The following CACNA2D1 variants were observed in gnomAD, a reference collection of about 807,000 sequenced individuals.
The protein encoded by CACNA2D1 is voltage-dependent calcium channel subunit alpha-2/delta-1.
Under a neutral mutation model 171.5 loss-of-function variants are expected in CACNA2D1, and 53 were observed. That is an observed-to-expected ratio of 0.31 (90% CI 0.25 to 0.39). The LOEUF (loss-of-function observed/expected upper bound fraction) is 0.39, where lower values mean the gene tolerates loss of function less well. CACNA2D1 is among the 10% of genes least tolerant of loss of function. CACNA2D1 has a pLI of 1.00. For synonymous variants in CACNA2D1, 442 were observed against 443.1 expected (o/e 1.00, Z 0.03); for missense variants, 903 against 1,299.8 (o/e 0.69, Z 4.69).
Position 81,967,216 on chromosome 7 carries a change from C to T in CACNA2D1, c.2464-9G>A, listed in dbSNP as rs1794797824. The T allele has an allele frequency of 1.2e-6, 2 of 1,604,530 alleles. No individual in the cohort carries two copies. Among genetic ancestry groups the T allele is most frequent in the Admixed American group, 1.7e-5 (1 of 59,610 alleles). ...CAAACTGGACCAGCACACTGAAAGA[C>T]AAAAATGCGATTATCACCTCACTTT... is the stretch of plus-strand genomic sequence containing the variant. On this transcript the variant is annotated splice_polypyrimidine_tract_variant and intron_variant, in intron 30 of 38. Transcript: ENST00000356860.
At chr7:82,283,691 T>A (rs1477147586) in intron 3 of CACNA2D1, among the ~76,000 whole-genome samples, 2 of 152,098 alleles carry the variant, frequency 1.3e-5, no homozygotes, top group Admixed American at 6.6e-5. Flanking sequence ...TAACATAAGG[T>A]CACACATGGA....
intron 10 of CACNA2D1, among the ~76,000 whole-genome samples, chr7:82,059,299 T>A (rs927468389): frequency 6.6e-5 from 10 of 152,214 alleles, no homozygotes; most frequent in Non-Finnish European, 8.8e-5. Context: ...CATTTGTTTG[T>A]CTTATTTCAT....
rs555630565 is a variant in CACNA2D1 at position 82,104,067 on chromosome 7, G to A, written c.526+12977C>T. On this transcript the variant is annotated intron_variant, in intron 6 of 38. Coordinates refer to ENST00000356860, the MANE Select transcript of CACNA2D1 (RefSeq NM_000722.4). ...CAGCTACTAAAAGTTTTATTCACAA[G>A]CTATTTAGAATACTGTAATATTTGT... Among the ~76,000 whole-genome samples, 6 of 151,974 alleles carry A rather than the reference G, an allele frequency of 3.9e-5. No homozygotes were observed. In the South Asian group the frequency reaches 1.2e-3, roughly 32 times the overall value.
At chr7:82,315,049 T>G (rs1413491510) in intron 3 of CACNA2D1, among the ~76,000 whole-genome samples, 1 of 149,252 alleles carries the variant, frequency 6.7e-6, no homozygotes, top group Non-Finnish European at 1.5e-5. Context: ...GGCAGGAGAA[T>G]TGCTTGAAAC....
chr7:82,181,518 G>A (rs1243992594), intron 3 of CACNA2D1, among the ~76,000 whole-genome samples: 2 of 152,152 alleles, frequency 1.3e-5, no homozygotes, highest in South Asian at 4.1e-4. Context: ...ACTGGAGTGG[G>A]CCCTGTGAAT....
intron 7 of CACNA2D1, among the ~76,000 whole-genome samples, chr7:82,082,419 G>A (rs571766976): frequency 6.6e-6 from 1 of 152,094 alleles, no homozygotes; most frequent in Admixed American, 6.5e-5. Flanking sequence ...ACTCAGTGTG[G>A]TTGAGTCTGG....
intron 12 of CACNA2D1, chr7:82,024,024 GTATA>G (rs1450592937): frequency 6.6e-6 from 1 of 151,704 alleles, no homozygotes; most frequent in Non-Finnish European, 1.5e-5. Context: ...TGCATTGTAT[GTATA>G]TACCACATTT....
chr7:82,131,080 G>A lies in CACNA2D1; in HGVS notation c.396+5555C>T, dbSNP rs928235969. On this transcript the variant is annotated intron_variant, in intron 5 of 38. Transcript: ENST00000356860. ...GCCTCCCAAAGTGCTGGGATTACAGGCATGAGCCACCGCGCCGGCCAGCTC... is the reference window on the plus strand; with the variant it reads ...GCCTCCCAAAGTGCTGGGATTACAGACATGAGCCACCGCGCCGGCCAGCTC... Among the ~76,000 whole-genome samples the A allele has an allele frequency of 7.8e-4, 118 of 152,236 alleles. 1 individual carries two copies. The highest frequency in any genetic ancestry group is 2.7e-3 in the African/African-American group (114 of 41,552).
chr7:82,003,260 A>G (rs1163146852), intron 18 of CACNA2D1, among the ~76,000 whole-genome samples: 1 of 152,086 alleles, frequency 6.6e-6, no homozygotes, highest in African/African-American at 2.4e-5. Context: ...CTGAAATAGT[A>G]TTTTTGGAAA....
intron 3 of CACNA2D1, among the ~76,000 whole-genome samples, chr7:82,288,355 C>T (rs532644706): frequency 1.3e-4 from 20 of 151,506 alleles, no homozygotes; most frequent in African/African-American, 4.6e-4. Flanking sequence ...TTGTTTGGGG[C>T]AGTTAAGGTA....
intron 3 of CACNA2D1, among the ~76,000 whole-genome samples, chr7:82,258,308 C>CAA (rs60283753): frequency 6.8e-4 from 85 of 125,054 alleles, no homozygotes; most frequent in African/African-American, 2.1e-3. Flanking sequence ...CAGAAGGCAG[C>CAA]AAAAAAAAAA....
At chr7:82,364,995 T>C (rs1821519725) in intron 1 of CACNA2D1, among the ~76,000 whole-genome samples, 1 of 151,966 alleles carries the variant, frequency 6.6e-6, no homozygotes, top group Non-Finnish European at 1.5e-5. Context: ...CCTCAATTTA[T>C]AACACAGCCA....
At chr7:82,216,061 T>C (rs1801067991) in intron 3 of CACNA2D1, among the ~76,000 whole-genome samples, 1 of 152,220 alleles carries the variant, frequency 6.6e-6, no homozygotes, top group South Asian at 2.1e-4. Flanking sequence ...CAGTTTACTC[T>C]GTCACTTTAT....
chr7:81,952,798 C>T (rs906349534), intron 38 of CACNA2D1, among the ~76,000 whole-genome samples: 11 of 152,038 alleles, frequency 7.2e-5, no homozygotes, highest in African/African-American at 2.7e-4. Context: ...TTCCTAATAA[C>T]TCACTCTTTT....
Position 82,225,599 on chromosome 7 carries a change from T to C in CACNA2D1, c.295-54990A>G, listed in dbSNP as rs534679746. Reference sequence around the variant, plus strand: ...ATTCAATAGAATTGGCATGAATCATTGATATTTATATATTTTACACATATA... The same window carrying C: ...ATTCAATAGAATTGGCATGAATCATCGATATTTATATATTTTACACATATA... On this transcript the variant is annotated intron_variant, in intron 3 of 38. Transcript: ENST00000356860. 1.6e-4 allele frequency among the ~76,000 whole-genome samples: 25 copies of C among 152,306 alleles called. 1 individual carries two copies. The highest frequency in any genetic ancestry group is 1.2e-3 in the Admixed American group (18 of 15,288).
chr7:82,172,159 T>G (rs1241328289), intron 3 of CACNA2D1, among the ~76,000 whole-genome samples: 1 of 151,658 alleles, frequency 6.6e-6, no homozygotes, highest in Non-Finnish European at 1.5e-5. Flanking sequence ...AGAAATGGAG[T>G]ATATAAGAAG....
chr7:82,355,165 C>A (rs1296825681), intron 1 of CACNA2D1, among the ~76,000 whole-genome samples: 1 of 152,150 alleles, frequency 6.6e-6, no homozygotes, highest in South Asian at 2.1e-4. Flanking sequence ...TTTAAAAGAA[C>A]AAAATCCTAA....
At chr7:82,311,149 T>C (rs528707743) in intron 3 of CACNA2D1, among the ~76,000 whole-genome samples, 23 of 152,254 alleles carry the variant, frequency 1.5e-4, no homozygotes, top group Admixed American at 1.1e-3. Context: ...AAGTCCTTGT[T>C]AGTTCCATCT....
intron 6 of CACNA2D1, among the ~76,000 whole-genome samples, chr7:82,116,450 C>A (rs1789052060): frequency 6.6e-6 from 1 of 152,192 alleles, no homozygotes; most frequent in Admixed American, 6.5e-5. Context: ...ACCAATATTT[C>A]CAGTCACAGC....
Sources: allele counts gnomAD v4.1 joint callset (sites outside exome capture counted in the v4.1 genomes callset), GRCh38; gene constraint gnomAD v4.1.1; transcripts MANE v1.5; gene names NCBI Gene and HGNC (gene_info 2026-07-23, HGNC 2026-07-21).